SDK1: variants seen among roughly 807,000 people sequenced by gnomAD.
SDK1 encodes protein sidekick-1.
In SDK1, 157 loss-of-function variants were observed where a neutral mutation model predicts 245.5. That is an observed-to-expected ratio of 0.64 (90% CI 0.56 to 0.73). The LOEUF is 0.73. Ranked by LOEUF, SDK1 falls within the 30% of genes least tolerant of loss-of-function variation. SDK1 has a pLI of 0.00. For missense variants in SDK1, 3,583 were observed against 3,002.3 expected, an observed-to-expected ratio of 1.19 and a Z score of -4.52; for synonymous variants, 1,647 against 1,278.5, an observed-to-expected ratio of 1.29 and a Z score of -6.15.
At chr7:4,110,158 C>T (rs141436582) in intron 22 of SDK1, among the ~76,000 whole-genome samples, 19 of 152,262 alleles carry the variant, frequency 1.2e-4, no homozygotes, top group Admixed American at 4.6e-4. Flanking sequence ...TTCCTTATGC[C>T]GTGGGCCAGC....
chr7:3,509,458 T>C (rs1188356005), intron 1 of SDK1, among the ~76,000 whole-genome samples: 1 of 152,170 alleles, frequency 6.6e-6, no homozygotes, highest in East Asian at 1.9e-4. Flanking sequence ...AGGTAATGTC[T>C]GTAAAGCAAT....
At chr7:3,772,519 A>C (rs1780432909) in intron 4 of SDK1, among the ~76,000 whole-genome samples, 2 of 152,238 alleles carry the variant, frequency 1.3e-5, no homozygotes. Flanking sequence ...TTAAAAACCA[A>C]AGTTACAATG....
chr7:4,166,145 C>T (rs577099080), intron 32 of SDK1, among the ~76,000 whole-genome samples: 3 of 152,336 alleles, frequency 2.0e-5, no homozygotes, highest in Admixed American at 1.3e-4. Flanking sequence ...CAATTGATCA[C>T]ACCATACGGG....
intron 4 of SDK1, among the ~76,000 whole-genome samples, chr7:3,654,573 G>A (rs529668023): frequency 6.6e-6 from 1 of 152,198 alleles, no homozygotes; most frequent in Admixed American, 6.5e-5. Context: ...GACGCAGTTG[G>A]ACTTAATGAA....
At chr7:3,460,785 A>G (rs1053740433) in intron 1 of SDK1, among the ~76,000 whole-genome samples, 2 of 152,208 alleles carry the variant, frequency 1.3e-5, no homozygotes, top group East Asian at 3.8e-4. Context: ...AAATTGGAGA[A>G]TGAATGAATA....
At chr7:3,667,865 T>A (rs969812315) in intron 4 of SDK1, among the ~76,000 whole-genome samples, 2 of 152,238 alleles carry the variant, frequency 1.3e-5, no homozygotes, top group African/African-American at 2.4e-5. Context: ...GCATTTGGGA[T>A]TGTTCCAGTT....
At chr7:4,241,636 C>G (rs1786524611) in intron 42 of SDK1, among the ~76,000 whole-genome samples, 157 bp from the exon 43 acceptor site, 1 of 151,898 alleles carries the variant, frequency 6.6e-6, no homozygotes, top group South Asian at 2.1e-4. Flanking sequence ...CTCTTCTCCC[C>G]AGCTCAGCCC....
chr7:3,676,268 C>T (rs1288535264), intron 4 of SDK1, among the ~76,000 whole-genome samples: 1 of 151,814 alleles, frequency 6.6e-6, no homozygotes, highest in Non-Finnish European at 1.5e-5. Context: ...ATACTCCTGC[C>T]TTGTCCTCCG....
At chr7:4,011,664 G>C (rs546965070) in intron 15 of SDK1, among the ~76,000 whole-genome samples, 2 of 152,326 alleles carry the variant, frequency 1.3e-5, no homozygotes, top group African/African-American at 4.8e-5. Context: ...GCTTTCAGTG[G>C]GCTTGACTTG....
chr7:4,201,971 G>A (rs1783912764), intron 35 of SDK1, among the ~76,000 whole-genome samples: 1 of 152,208 alleles, frequency 6.6e-6, no homozygotes, highest in South Asian at 2.1e-4. Context: ...TGCACCCCGT[G>A]TTCCCACCCT....
intron 5 of SDK1, among the ~76,000 whole-genome samples, chr7:3,886,049 A>G (rs532658265): frequency 6.6e-6 from 1 of 152,338 alleles, no homozygotes; most frequent in East Asian, 1.9e-4. Context: ...AAGGGAAGGC[A>G]GCAGATCGGA....
intron 1 of SDK1, among the ~76,000 whole-genome samples, chr7:3,579,267 T>C (rs1554292557): frequency 6.6e-6 from 1 of 152,136 alleles, no homozygotes; most frequent in Non-Finnish European, 1.5e-5. Context: ...TGAACGTTGA[T>C]GGAAATATCT....
intron 4 of SDK1, among the ~76,000 whole-genome samples, chr7:3,673,329 G>A (rs1783779894): frequency 6.6e-6 from 1 of 152,190 alleles, no homozygotes; most frequent in Non-Finnish European, 1.5e-5. Context: ...CGGAGAGCTA[G>A]ACAGTGTCAA....
At chr7:3,687,056 AACACACACACACACACACAC>A (rs200034994) in intron 4 of SDK1, among the ~76,000 whole-genome samples, 1 of 135,248 alleles carries the variant, frequency 7.4e-6, no homozygotes, top group African/African-American at 2.9e-5. Context: ...ATAGCATCAA[AACACACACACACACACACAC>A]ACACACACAC....
chr7:3,658,300 T>C (rs948497989), intron 4 of SDK1, among the ~76,000 whole-genome samples: 2 of 152,184 alleles, frequency 1.3e-5, no homozygotes, highest in African/African-American at 4.8e-5. Flanking sequence ...CCTACAGCAT[T>C]TGCTTCCAAG....
chr7:4,064,364 C>T (rs1417213142), intron 19 of SDK1, among the ~76,000 whole-genome samples: 1 of 152,136 alleles, frequency 6.6e-6, no homozygotes, highest in African/African-American at 2.4e-5. Context: ...ATCAAAACCT[C>T]AATGAGGTAC....
chr7:3,801,109 T>C, intron 4 of SDK1, among the ~76,000 whole-genome samples: 1 of 152,238 alleles, frequency 6.6e-6, no homozygotes, highest in East Asian at 1.9e-4. Context: ...CTGATGGTTT[T>C]TGAGCAAGGG....
intron 1 of SDK1, among the ~76,000 whole-genome samples, chr7:3,365,219 T>C (rs1781059119): frequency 6.6e-6 from 1 of 152,216 alleles, no homozygotes. Flanking sequence ...GATTGTTTGC[T>C]AGAGAATGGT....
chr7:3,629,136 C>CA (rs756692812), intron 2 of SDK1, among the ~76,000 whole-genome samples: 2,611 of 125,828 alleles, frequency 0.021, 39 homozygotes, highest in Non-Finnish European at 0.025. Context: ...ACTAAAAATG[C>CA]AAAAAAAAAA....
Sources: gnomAD v4.1 joint callset for allele counts (sites outside exome capture counted in the v4.1 genomes callset) on GRCh38, gnomAD v4.1.1 for gene constraint, MANE v1.5 for transcripts, NCBI Gene and HGNC (gene_info 2026-07-23, HGNC 2026-07-21) for gene names.